The following ADAMTSL1 variants were observed in gnomAD, a reference collection of about 807,000 sequenced individuals.
The protein encoded by ADAMTSL1 is ADAMTS like 1.
Under a neutral mutation model 201.8 loss-of-function variants are expected in ADAMTSL1, and 126 were observed. That is an observed-to-expected ratio of 0.62 (90% CI 0.54 to 0.72). The LOEUF (loss-of-function observed/expected upper bound fraction) is 0.72, where lower values mean the gene tolerates loss of function less well. Among genes scored for constraint, ADAMTSL1 ranks in the 30% least tolerant of loss-of-function variants. The probability of loss-of-function intolerance (pLI) is 0.00; values close to 1 mark genes in which losing one functional copy is unlikely to be tolerated. For missense variants in ADAMTSL1, 2,679 were observed against 2,277.8 expected (o/e 1.18, Z -3.59); for synonymous variants, 1,121 against 903.4 (o/e 1.24, Z -4.32).
In ADAMTSL1 at chr9:18,533,238, G is replaced by A. The variant is rs1384092164; in HGVS notation, c.192-9G>A. 6.3e-7 allele frequency: 1 copy of A among 1,596,422 alleles called. No individual in the cohort carries two copies. The highest frequency in any genetic ancestry group is 1.7e-5 in the Admixed American group (1 of 57,718). ...GTAGTAATATTTCTTTTTTCTTTTT[G>A]CAACTTAGGAGCTGTGAAGGAAGAA... On this transcript the variant is annotated splice_polypyrimidine_tract_variant and intron_variant, in intron 2 of 28. Coordinates refer to ENST00000380548, the MANE Select transcript of ADAMTSL1 (RefSeq NM_001040272.6).
At chr9:18,017,009 T>C (rs1411250) in intron 1 of ADAMTSL1, among the ~76,000 whole-genome samples, 69,498 of 151,810 alleles carry the variant, frequency 0.46, 16,081 homozygotes, top group South Asian at 0.6. Flanking sequence ...TCCTCCCACA[T>C]CACTGGATAC....
chr9:18,620,758 C>G (rs1825987288), intron 4 of ADAMTSL1, among the ~76,000 whole-genome samples: 1 of 152,116 alleles, frequency 6.6e-6, no homozygotes, highest in South Asian at 2.1e-4. Context: ...GCCTTTGTCC[C>G]TGACTTTAGA....
chr9:18,829,734 T>C, intron 22 of ADAMTSL1, 109 bp from the exon 23 acceptor site: 1 of 1,408,968 alleles, frequency 7.1e-7, no homozygotes, highest in Non-Finnish European at 9.7e-7. Context: ...GTAATGCCTA[T>C]CTTACATATA....
At chr9:18,737,677 C>G (rs546863497) in intron 15 of ADAMTSL1, among the ~76,000 whole-genome samples, 1 of 152,186 alleles carries the variant, frequency 6.6e-6, no homozygotes, top group Non-Finnish European at 1.5e-5. Context: ...CCCTTAGTGA[C>G]TAGGGTTGTA....
chr9:18,374,626 G>A (rs985405100), intron 2 of ADAMTSL1, among the ~76,000 whole-genome samples: 2 of 152,096 alleles, frequency 1.3e-5, no homozygotes, highest in South Asian at 2.1e-4. Flanking sequence ...GAGTTACCAC[G>A]CTTGGCCTGA....
At chr9:18,522,764 C>T (rs193275184) in intron 2 of ADAMTSL1, among the ~76,000 whole-genome samples, 1 of 152,122 alleles carries the variant, frequency 6.6e-6, no homozygotes, top group African/African-American at 2.4e-5. Context: ...CTACATAGGA[C>T]ATGAACTCAT....
chr9:18,197,607 C>A (rs535178398), intron 2 of ADAMTSL1, among the ~76,000 whole-genome samples: 9 of 148,108 alleles, frequency 6.1e-5, no homozygotes, highest in African/African-American at 2.3e-4. Flanking sequence ...TCTAGATATA[C>A]AATCATGTCG....
chr9:18,254,318 A>G (rs2132503721), intron 2 of ADAMTSL1, among the ~76,000 whole-genome samples: 1 of 117,342 alleles, frequency 8.5e-6, no homozygotes, highest in Middle Eastern at 6.8e-3. Flanking sequence ...AGCCTCACCT[A>G]TGGAACTACC....
chr9:18,522,243 A>G (rs182446744), intron 2 of ADAMTSL1, among the ~76,000 whole-genome samples: 25 of 152,254 alleles, frequency 1.6e-4, no homozygotes, highest in East Asian at 3.9e-4. Context: ...CCTCAGCATC[A>G]TGCAGTATAC....
At chr9:18,280,694 G>A (rs532756208) in intron 2 of ADAMTSL1, among the ~76,000 whole-genome samples, 35 of 152,234 alleles carry the variant, frequency 2.3e-4, no homozygotes, top group African/African-American at 8.4e-4. Context: ...AAATTTCCTT[G>A]TAAAATTGAT....
At chr9:17,920,894 T>C (rs1055942425) in intron 1 of ADAMTSL1, among the ~76,000 whole-genome samples, 1 of 152,232 alleles carries the variant, frequency 6.6e-6, no homozygotes, top group Admixed American at 6.5e-5. Context: ...GAGGGCGGAT[T>C]TGGCCCATGG....
intron 1 of ADAMTSL1, among the ~76,000 whole-genome samples, chr9:17,989,562 T>A (rs1043212196): frequency 6.6e-6 from 1 of 152,018 alleles, no homozygotes; most frequent in Non-Finnish European, 1.5e-5. Context: ...AAAAGCAGAA[T>A]TAAAAGTGAT....
chr9:18,205,183 C>T (rs1205168900), intron 2 of ADAMTSL1, among the ~76,000 whole-genome samples: 2 of 152,122 alleles, frequency 1.3e-5, no homozygotes, highest in Non-Finnish European at 2.9e-5. Context: ...GTGGCACATA[C>T]ACATTGATTT....
At chr9:18,054,347 C>G (rs1822075902) in intron 1 of ADAMTSL1, among the ~76,000 whole-genome samples, 1 of 152,162 alleles carries the variant, frequency 6.6e-6, no homozygotes, top group Non-Finnish European at 1.5e-5. Flanking sequence ...TTGCAAAGAA[C>G]TAATTAGAAA....
intron 16 of ADAMTSL1, among the ~76,000 whole-genome samples, chr9:18,758,433 T>C (rs1457229680): frequency 1.3e-5 from 2 of 152,236 alleles, no homozygotes; most frequent in Non-Finnish European, 2.9e-5. Context: ...CTTATAGTTC[T>C]GGAGATCAGA....
intron 1 of ADAMTSL1, among the ~76,000 whole-genome samples, chr9:18,005,921 T>A (rs1425623079): frequency 6.6e-6 from 1 of 152,020 alleles, no homozygotes. Context: ...ATAGGTCATG[T>A]CTTCTACCAG....
intron 2 of ADAMTSL1, among the ~76,000 whole-genome samples, chr9:18,288,667 A>G (rs549851448): frequency 1.3e-5 from 2 of 152,364 alleles, no homozygotes; most frequent in African/African-American, 4.8e-5. Flanking sequence ...AAAAAGATAA[A>G]GAAAAAAAGA....
At chr9:18,154,475 C>A (rs1439808692) in intron 1 of ADAMTSL1, among the ~76,000 whole-genome samples, 2 of 152,040 alleles carry the variant, frequency 1.3e-5, no homozygotes, top group African/African-American at 2.4e-5. Context: ...TCTGTGTGAA[C>A]AGTTTTAGGA....
chr9:18,304,175 T>C (rs925366642), intron 2 of ADAMTSL1, among the ~76,000 whole-genome samples: 5 of 152,230 alleles, frequency 3.3e-5, no homozygotes, highest in Middle Eastern at 3.4e-3. Context: ...CAGAACACTT[T>C]GTTCAAACTC....
Sources: gnomAD v4.1 joint callset for allele counts (sites outside exome capture counted in the v4.1 genomes callset) on GRCh38, gnomAD v4.1.1 for gene constraint, MANE v1.5 for transcripts, NCBI Gene and HGNC (gene_info 2026-07-23, HGNC 2026-07-21) for gene names.